The following RBMS3 variants were observed in gnomAD, a reference collection of about 807,000 sequenced individuals.
The protein encoded by RBMS3 is RNA-binding motif, single-stranded-interacting protein 3.
RBMS3 carries 27 observed loss-of-function variants against 66.8 expected under a neutral mutation model. The ratio of observed to expected loss-of-function variants is 0.40; its 90% CI spans 0.30 to 0.56. RBMS3 has a LOEUF of 0.56. Among genes scored for constraint, RBMS3 ranks in the 20% least tolerant of loss-of-function variants. The pLI is 0.40. For synonymous variants in RBMS3, 188 were observed against 183.0 expected (o/e 1.03, Z -0.22); for missense variants, 513 against 549.5 (o/e 0.93, Z 0.66).
At chr3:29,591,113 T>C (rs1477642012) in intron 4 of RBMS3, among the ~76,000 whole-genome samples, 1 of 152,170 alleles carries the variant, frequency 6.6e-6, no homozygotes, top group African/African-American at 2.4e-5. Flanking sequence ...TTTCGACTTC[T>C]TTGCCTCTGC....
At chr3:29,813,957 T>C (rs2057799477) in intron 6 of RBMS3, among the ~76,000 whole-genome samples, 1 of 152,090 alleles carries the variant, frequency 6.6e-6, no homozygotes, top group Admixed American at 6.6e-5. Context: ...CTTTTCCTAA[T>C]TGAATACCCT....
intron 6 of RBMS3, among the ~76,000 whole-genome samples, chr3:29,815,055 T>G (rs2057843956): frequency 6.6e-6 from 1 of 152,152 alleles, no homozygotes; most frequent in Non-Finnish European, 1.5e-5. Flanking sequence ...GACAAAGAAG[T>G]CTATCCAGGC....
intron 4 of RBMS3, among the ~76,000 whole-genome samples, chr3:29,689,917 CAAAAAAAAAAAAAAAAAAAAAAA>C (rs66580293): frequency 3.2e-4 from 9 of 27,726 alleles, no homozygotes; most frequent in South Asian, 1.4e-3. Context: ...CTATCTCTAC[CAAAAAAAAAAAAAAAAAAAAAAA>C]AAAAAAAAAA....
At chr3:29,448,455 C>T (rs764083005) in intron 2 of RBMS3, among the ~76,000 whole-genome samples, 6 of 152,192 alleles carry the variant, frequency 3.9e-5, no homozygotes, top group Non-Finnish European at 7.3e-5. Context: ...TGTTCTCTGC[C>T]TCTGTGTGCG....
chr3:29,659,340 C>T (rs1228298070), intron 4 of RBMS3, among the ~76,000 whole-genome samples: 1 of 152,026 alleles, frequency 6.6e-6, no homozygotes, highest in East Asian at 1.9e-4. Context: ...GAGCCCTTTT[C>T]GTCTTTTAAA....
intron 14 of RBMS3, among the ~76,000 whole-genome samples, chr3:29,994,739 A>C (rs1160961047): frequency 2.0e-5 from 3 of 152,218 alleles, no homozygotes; most frequent in Non-Finnish European, 4.4e-5. Context: ...AAACTAACAA[A>C]CAGAAAGGAC....
chr3:29,820,113 TG>T (rs754555037), intron 6 of RBMS3, among the ~76,000 whole-genome samples: 1 of 144,392 alleles, frequency 6.9e-6, no homozygotes, highest in Non-Finnish European at 1.5e-5. Context: ...CGCTTGAACC[TG>T]GGAGGTGGAG....
chr3:29,470,944 G>A (rs535983677), intron 2 of RBMS3, among the ~76,000 whole-genome samples: 4 of 152,230 alleles, frequency 2.6e-5, no homozygotes, highest in African/African-American at 9.6e-5. Flanking sequence ...CTTAATGCCT[G>A]CTTGTTTGTG....
intron 4 of RBMS3, among the ~76,000 whole-genome samples, chr3:29,619,818 G>A (rs1288996422): frequency 6.6e-6 from 1 of 151,580 alleles, no homozygotes; most frequent in Non-Finnish European, 1.5e-5. Context: ...ATAGGATCTA[G>A]TTTATACACC....
intron 1 of RBMS3, among the ~76,000 whole-genome samples, chr3:29,372,431 G>C (rs2038254618): frequency 6.6e-6 from 1 of 152,082 alleles, no homozygotes; most frequent in African/African-American, 2.4e-5. Context: ...ATAAGCTAAA[G>C]TGTCATTAGT....
chr3:29,978,072 G>T (rs1332781142), intron 12 of RBMS3, among the ~76,000 whole-genome samples: 1 of 152,180 alleles, frequency 6.6e-6, no homozygotes, highest in Non-Finnish European at 1.5e-5. Context: ...GAGGCACCCA[G>T]ATTTAACCAG....
At chr3:29,913,145 A>G (rs1041872588) in intron 10 of RBMS3, among the ~76,000 whole-genome samples, 25 of 152,048 alleles carry the variant, frequency 1.6e-4, no homozygotes, top group Admixed American at 1.5e-3. Context: ...ATCAGGTGTA[A>G]AATGTACTCC....
chr3:29,300,225 C>T (rs1196446458), intron 1 of RBMS3, among the ~76,000 whole-genome samples: 1 of 151,926 alleles, frequency 6.6e-6, no homozygotes, highest in African/African-American at 2.4e-5. Context: ...GGGAATATTA[C>T]TGAATAGGTG....
intron 3 of RBMS3, among the ~76,000 whole-genome samples, chr3:29,520,960 A>C (rs1329855819): frequency 6.6e-6 from 1 of 152,086 alleles, no homozygotes; most frequent in Non-Finnish European, 1.5e-5. Context: ...GGAGAGTCTC[A>C]AGGGTTGTTC....
chr3:29,840,198 C>G (rs1284135145), intron 6 of RBMS3, among the ~76,000 whole-genome samples: 1 of 151,956 alleles, frequency 6.6e-6, no homozygotes. Flanking sequence ...CCTTTACACT[C>G]TTATGATTAT....
At chr3:29,441,976 G>A (rs1394781833) in intron 2 of RBMS3, among the ~76,000 whole-genome samples, 1 of 152,060 alleles carries the variant, frequency 6.6e-6, no homozygotes, top group Non-Finnish European at 1.5e-5. Flanking sequence ...TTGATTTTCT[G>A]ATAACAAACT....
At chr3:29,694,896 A>T (rs1272128196) in intron 4 of RBMS3, among the ~76,000 whole-genome samples, 1 of 152,032 alleles carries the variant, frequency 6.6e-6, no homozygotes, top group East Asian at 1.9e-4. Flanking sequence ...TTTTATATTC[A>T]TGTAACAATT....
chr3:29,305,797 C>G lies in RBMS3; in HGVS notation c.75+24041C>G, dbSNP rs547439526. The stretch of plus-strand genomic sequence containing the variant: ...CAGAATTGAACTGATGATACTTATG[C>G]ACATGCTCTTTAAGCAAAGTGATTT... On this transcript the variant is annotated intron_variant, in intron 1 of 14. Transcript: ENST00000383767. Among the ~76,000 whole-genome samples the G allele has an allele frequency of 1.6e-4, 25 of 152,104 alleles. 1 individual carries two copies. Among genetic ancestry groups the G allele is most frequent in the African/African-American group, 6.0e-4 (25 of 41,546 alleles).
intron 6 of RBMS3, among the ~76,000 whole-genome samples, chr3:29,867,254 G>T (rs927413046): frequency 1.3e-5 from 2 of 151,876 alleles, no homozygotes; most frequent in Non-Finnish European, 2.9e-5. Context: ...GGGTGGGAAT[G>T]GGGGAGAATG....
Sources: gnomAD v4.1 joint callset for allele counts (sites outside exome capture counted in the v4.1 genomes callset) on GRCh38, gnomAD v4.1.1 for gene constraint, MANE v1.5 for transcripts, NCBI Gene and HGNC (gene_info 2026-07-23, HGNC 2026-07-21) for gene names.